The following NAMPT variants were observed in gnomAD, a reference collection of about 807,000 sequenced individuals.
The protein encoded by NAMPT is NAmPRTase.
NAMPT carries 7 observed loss-of-function variants against 58.7 expected under a neutral mutation model. That is an observed-to-expected ratio of 0.12 (90% CI 0.07 to 0.22). NAMPT has a LOEUF of 0.22. Ranked by LOEUF, NAMPT falls within the 10% of genes least tolerant of loss-of-function variation. The pLI is 1.00. For synonymous variants in NAMPT, 145 were observed against 198.1 expected (o/e 0.73, Z 2.25); for missense variants, 271 against 567.9 (o/e 0.48, Z 5.31).
At chr7:106,285,149 C>T (rs530623561), upstream of NAMPT, 2 of 1,271,250 alleles carry the variant, frequency 1.6e-6, no homozygotes, top group Admixed American at 3.7e-5. Flanking sequence ...CCCGCCTTCA[C>T]CCCGTCACCC....
intron 1 of NAMPT, among the ~76,000 whole-genome samples, chr7:106,279,845 G>C (rs1792726384): frequency 6.6e-6 from 1 of 152,170 alleles, no homozygotes; most frequent in Non-Finnish European, 1.5e-5. Flanking sequence ...AGACTTCTTT[G>C]AGAAGGTGAC....
chr7:106,268,678 T>G, intron 5 of NAMPT, 78 bp from the exon 6 acceptor site: 1 of 1,000,198 alleles, frequency 1.0e-6, no homozygotes. Flanking sequence ...GCCAACCACA[T>G]TTAAGGAATA....
intron 9 of NAMPT, chr7:106,253,567 G>A (rs1223669881): frequency 6.1e-6 from 1 of 165,204 alleles, no homozygotes; most frequent in Non-Finnish European, 1.3e-5. Context: ...CTTTGGAGAG[G>A]GAACAAGAGT....
chr7:106,285,693 C>T (rs1043026233), upstream of NAMPT: 2 of 599,972 alleles, frequency 3.3e-6, no homozygotes, highest in African/African-American at 2.0e-5. Context: ...CTCCGCTTTC[C>T]TCCGGCGGCT....
chr7:106,278,923 G>A (rs1386085227), intron 1 of NAMPT, among the ~76,000 whole-genome samples: 1 of 152,142 alleles, frequency 6.6e-6, no homozygotes, highest in Non-Finnish European at 1.5e-5. Flanking sequence ...TTACTGTTCA[G>A]GTACTTAATG....
intron 6 of NAMPT, among the ~76,000 whole-genome samples, chr7:106,268,173 T>C (rs1041550713): frequency 6.6e-6 from 1 of 152,126 alleles, no homozygotes. Flanking sequence ...GAATAAAATC[T>C]ACCTACATAT....
At position 106,263,552 on chromosome 7, in the gene NAMPT, G is replaced by A; in HGVS notation, c.809C>T (p.Ser270Leu). 14 of 1,613,380 alleles carry A rather than the reference G, an allele frequency of 8.7e-6. No individual in the cohort carries two copies. The highest frequency in any genetic ancestry group is 1.2e-5 in the Non-Finnish European group (14 of 1,179,458). The change falls in exon 7 of 11, where the codon TCA becomes TTA. Residue 270 changes from serine to leucine, a missense_variant. Ser to Leu is a moderately radical substitution (Grantham distance 145, BLOSUM62 -2). Transcript: ENST00000222553. The part of the protein sequence containing the change: ...DAFEHIVTQF[S>L]SVPVSVVSDS... ...GCTGACCACAGATACAGGCACTGAT[G>A]AAAACTGTGTTACAATATGTTCAAA... is the stretch of plus-strand genomic sequence containing the variant.
At chr7:106,285,456 G>A, upstream of NAMPT, 1 of 822,210 alleles carries the variant, frequency 1.2e-6, no homozygotes, top group Non-Finnish European at 1.5e-6. Flanking sequence ...CGGTTTTCTG[G>A]GTCCTCCTGA....
At chr7:106,263,063 AAAAG>A in intron 7 of NAMPT, 1 of 299,192 alleles carries the variant, frequency 3.3e-6, no homozygotes. Context: ...CTTATGCTGA[AAAAG>A]AAACAAACTG....
chr7:106,260,198 C>G (rs1051486346), intron 8 of NAMPT, among the ~76,000 whole-genome samples: 1 of 152,260 alleles, frequency 6.6e-6, no homozygotes, highest in African/African-American at 2.4e-5. Flanking sequence ...TTCCTCTACA[C>G]TGACAATCTG....
intron 4 of NAMPT, 64 bp from the exon 5 acceptor site, chr7:106,269,376 T>A: frequency 1.4e-6 from 2 of 1,411,312 alleles, no homozygotes; most frequent in Non-Finnish European, 1.9e-6. Context: ...CTGAGGAAAA[T>A]CCTAGCTTTT....
At chr7:106,268,384 C>T in intron 6 of NAMPT, 80 bp downstream of exon 6, 1 of 1,320,786 alleles carries the variant, frequency 7.6e-7, no homozygotes, top group Non-Finnish European at 1.1e-6. Flanking sequence ...CCTGGCTCTG[C>T]AGTTAGGTAA....
rs372876339 is a variant in NAMPT at position 106,263,644 on chromosome 7, T to C, written c.744-27A>G. 17 of 1,545,042 alleles carry C rather than the reference T, an allele frequency of 1.1e-5. No homozygotes were observed. In the South Asian group the frequency reaches 1.6e-4, roughly 14 times the overall value. Reference sequence around the variant, plus strand: ...TAGAAAAAAAAATGAAAACACAGATTTACTTAGGCAGACACTTGATCTATC... The same window carrying C: ...TAGAAAAAAAAATGAAAACACAGATCTACTTAGGCAGACACTTGATCTATC... On this transcript the variant is annotated intron_variant, in intron 6 of 10. Coordinates refer to ENST00000222553, the MANE Select transcript of NAMPT (RefSeq NM_005746.3).
intron 6 of NAMPT, among the ~76,000 whole-genome samples, chr7:106,267,640 G>C (rs1792438994): frequency 6.6e-6 from 1 of 151,358 alleles, no homozygotes; most frequent in African/African-American, 2.4e-5. Flanking sequence ...AGGAGATCGA[G>C]ACCATCCTGA....
chr7:106,267,871 A>AAAAC lies in NAMPT; in HGVS notation c.743+592_743+593insGTTT, dbSNP rs1562815988. ...AAAAAAAAAAAAAAAAAAAAAAAAA[A>AAAAC]AAAAACAACCTGATTTACTTTTAAT... On this transcript the variant is annotated intron_variant, in intron 6 of 10. Transcript: ENST00000222553. Among the ~76,000 whole-genome samples the AAAAC allele has an allele frequency of 4.2e-4, 57 of 137,292 alleles. 2 individuals are homozygous for AAAAC. Among genetic ancestry groups the AAAAC allele is most frequent in the African/African-American group, 1.3e-3 (46 of 36,000 alleles). 90.1% of individuals were successfully genotyped at this position (137,292 alleles called of 152,430 possible). A position where few individuals can be genotyped will look rare whatever the true frequency, so the allele number is the denominator to read the frequency against.
chr7:106,255,257 C>T (rs1292470550), intron 8 of NAMPT, among the ~76,000 whole-genome samples: 1 of 152,184 alleles, frequency 6.6e-6, no homozygotes, highest in Non-Finnish European at 1.5e-5. Flanking sequence ...TCACCAAAGT[C>T]AAGTTTATTT....
rs1250332991 is a variant in NAMPT, at chr7:106,251,087, T to C, written c.1472A>G (p.His491Arg). 1 of 1,537,738 alleles carries C rather than the reference T, an allele frequency of 6.5e-7. No homozygotes were observed. Among genetic ancestry groups the C allele is most frequent in the South Asian group, 1.1e-5 (1 of 89,458 alleles). The change falls in exon 11 of 11, where the codon CAT becomes CGT. Residue 491 changes from histidine to arginine, a missense_variant. By Grantham distance (29) the His-to-Arg change is conservative. Coordinates refer to ENST00000222553, the MANE Select transcript of NAMPT (RefSeq NM_005746.3). ...QLNIELEAAH[H>R] ...ACACACACCCAGTCATAAAGCCTAA[T>C]GATGTGCTGCTTCCAGTTCAATATT...
At chr7:106,267,344 C>T (rs1792432985) in intron 6 of NAMPT, among the ~76,000 whole-genome samples, 1 of 152,142 alleles carries the variant, frequency 6.6e-6, no homozygotes, top group East Asian at 1.9e-4. Context: ...CCTTGTTGCA[C>T]CCAGTAGACT....
intron 4 of NAMPT, 101 bp from the exon 5 acceptor site, chr7:106,269,413 C>T: frequency 9.4e-7 from 1 of 1,067,136 alleles, no homozygotes; most frequent in Non-Finnish European, 1.3e-6. Context: ...ATGTCCTGAA[C>T]TTCCATACTA....
Sources: gnomAD v4.1 joint callset for allele counts (sites outside exome capture counted in the v4.1 genomes callset) on GRCh38, gnomAD v4.1.1 for gene constraint, MANE v1.5 for transcripts, NCBI Gene and HGNC (gene_info 2026-07-23, HGNC 2026-07-21) for gene names.